The following RAB38 variants were observed in gnomAD, a reference collection of about 807,000 sequenced individuals.
RAB38 encodes the protein RAB38, member RAS oncogene family, also known as ras-related protein Rab-38.
RAB38 carries 15 observed loss-of-function variants against 18.4 expected under a neutral mutation model. That is an observed-to-expected ratio of 0.82 (90% CI 0.55 to 1.26). The LOEUF is 1.26. Among genes scored for constraint, RAB38 ranks in the 50% most tolerant of loss-of-function variants. RAB38 has a pLI of 0.00. For missense variants in RAB38, 294 were observed against 267.4 expected (o/e 1.10, Z -0.69); for synonymous variants, 101 against 104.4 (o/e 0.97, Z 0.20).
At chr11:88,155,492 A>G (rs965530787) in intron 1 of RAB38, among the ~76,000 whole-genome samples, 3 of 152,202 alleles carry the variant, frequency 2.0e-5, no homozygotes, top group African/African-American at 7.2e-5. Flanking sequence ...AAAAGGAAAG[A>G]AAAAAATAGC....
the RAB38 span, among the ~76,000 whole-genome samples, chr11:87,891,009 A>ACACT: frequency 6.6e-6 from 1 of 151,868 alleles, no homozygotes; most frequent in Non-Finnish European, 1.5e-5. Context: ...TGCATAGGTC[A>ACACT]CACTCTCATG....
the RAB38 span, among the ~76,000 whole-genome samples, chr11:87,918,943 A>T: frequency 0.095 from 14,207 of 149,696 alleles, 1,531 homozygotes; most frequent in African/African-American, 0.27. Flanking sequence ...AAAAAAAAAC[A>T]TCATTGCCCA....
At chr11:87,972,469 T>A in the RAB38 span, among the ~76,000 whole-genome samples, 1 of 152,060 alleles carries the variant, frequency 6.6e-6, no homozygotes, top group Non-Finnish European at 1.5e-5. Flanking sequence ...GAGACTATAC[T>A]GAATGAACAG....
the RAB38 span, among the ~76,000 whole-genome samples, chr11:87,819,841 G>C: frequency 6.6e-6 from 1 of 150,860 alleles, no homozygotes; most frequent in Non-Finnish European, 1.5e-5. Flanking sequence ...TCCAGGCACT[G>C]AAATGAAAAA....
At chr11:87,885,858 A>T in the RAB38 span, among the ~76,000 whole-genome samples, 1 of 151,994 alleles carries the variant, frequency 6.6e-6, no homozygotes, top group South Asian at 2.1e-4. Context: ...AAGAATAAAT[A>T]GGGATGGGGG....
At chr11:87,862,623 T>G in the RAB38 span, among the ~76,000 whole-genome samples, 1 of 151,804 alleles carries the variant, frequency 6.6e-6, no homozygotes, top group African/African-American at 2.4e-5. Flanking sequence ...CAAGTTTACC[T>G]ATGTAACAAA....
intron 1 of RAB38, among the ~76,000 whole-genome samples, chr11:88,158,596 T>C (rs142398654): frequency 6.6e-6 from 1 of 152,046 alleles, no homozygotes; most frequent in Non-Finnish European, 1.5e-5. Context: ...AGTGCAAGGA[T>C]GCAAGGTTGC....
the RAB38 span, among the ~76,000 whole-genome samples, chr11:88,099,274 A>T: frequency 6.6e-6 from 1 of 151,922 alleles, no homozygotes; most frequent in Non-Finnish European, 1.5e-5. Context: ...AACTCTTGGG[A>T]TTTAAATCAA....
At chr11:87,813,918 T>C in the RAB38 span, among the ~76,000 whole-genome samples, 1 of 152,162 alleles carries the variant, frequency 6.6e-6, no homozygotes, top group African/African-American at 2.4e-5. Flanking sequence ...TTGAACAAAG[T>C]GTTTTGAGCT....
At chr11:87,871,471 A>G in the RAB38 span, among the ~76,000 whole-genome samples, 1 of 151,704 alleles carries the variant, frequency 6.6e-6, no homozygotes, top group African/African-American at 2.4e-5. Context: ...ACATGCACAC[A>G]GTCATATACC....
the RAB38 span, among the ~76,000 whole-genome samples, chr11:87,859,534 C>A: frequency 6.6e-6 from 1 of 151,828 alleles, no homozygotes; most frequent in African/African-American, 2.4e-5. Flanking sequence ...CGCAATTTGC[C>A]AATATATATA....
chr11:88,006,776 A>T, the RAB38 span, among the ~76,000 whole-genome samples: 2 of 151,470 alleles, frequency 1.3e-5, no homozygotes, highest in Non-Finnish European at 1.5e-5. Flanking sequence ...ACATGATCTC[A>T]ATAATATGTG....
the RAB38 span, among the ~76,000 whole-genome samples, chr11:88,080,896 G>A: frequency 1.0e-3 from 151 of 151,096 alleles, 2 homozygotes; most frequent in Admixed American, 8.7e-3. Context: ...AGAAAAGAAA[G>A]AAGAAAATAA....
the RAB38 span, among the ~76,000 whole-genome samples, chr11:87,923,076 A>G: frequency 4.6e-5 from 7 of 152,080 alleles, no homozygotes; most frequent in Non-Finnish European, 1.5e-5. Context: ...TATAACAACA[A>G]CTGATTTAAT....
At chr11:87,864,788 A>G in the RAB38 span, among the ~76,000 whole-genome samples, 1 of 151,778 alleles carries the variant, frequency 6.6e-6, no homozygotes, top group Admixed American at 6.6e-5. Flanking sequence ...GAGTTAGACA[A>G]AGTATAAAAT....
the RAB38 span, among the ~76,000 whole-genome samples, chr11:87,962,601 G>T: frequency 6.6e-6 from 1 of 152,066 alleles, no homozygotes; most frequent in Non-Finnish European, 1.5e-5. Flanking sequence ...GAAAAGAAAT[G>T]CCTTAAGTTT....
chr11:87,829,292 A>G, the RAB38 span, among the ~76,000 whole-genome samples: 1 of 152,164 alleles, frequency 6.6e-6, no homozygotes, highest in Non-Finnish European at 1.5e-5. Context: ...TAAGCAATAT[A>G]CCCATGAAAC....
At chr11:87,938,838 G>A in the RAB38 span, among the ~76,000 whole-genome samples, 26,514 of 151,402 alleles carry the variant, frequency 0.18, 2,872 homozygotes, top group African/African-American at 0.31. Flanking sequence ...GTCCCTAGCC[G>A]GTCTGCCTTC....
the RAB38 span, among the ~76,000 whole-genome samples, chr11:87,954,740 T>A: frequency 6.6e-6 from 1 of 151,928 alleles, no homozygotes; most frequent in Non-Finnish European, 1.5e-5. Context: ...CAGGAGGAAG[T>A]GGATTTGGTG....
Sources: allele counts gnomAD v4.1 joint callset (sites outside exome capture counted in the v4.1 genomes callset), GRCh38; gene constraint gnomAD v4.1.1; transcripts MANE v1.5; gene names NCBI Gene and HGNC (gene_info 2026-07-23, HGNC 2026-07-21).